The following PGRMC2 variants were observed in gnomAD, a reference collection of about 807,000 sequenced individuals.
PGRMC2 encodes the protein membrane-associated progesterone receptor component 2.
Under a neutral mutation model 19.3 loss-of-function variants are expected in PGRMC2, and 9 were observed. The ratio of observed to expected loss-of-function variants is 0.47; its 90% CI spans 0.28 to 0.81. PGRMC2 has a LOEUF of 0.81. PGRMC2 is among the 40% of genes least tolerant of loss of function. The probability of loss-of-function intolerance (pLI) is 0.11; values close to 1 mark genes in which losing one functional copy is unlikely to be tolerated. For missense variants in PGRMC2, 289 were observed against 297.3 expected (o/e 0.97, Z 0.21); for synonymous variants, 157 against 124.6 (o/e 1.26, Z -1.73).
At chr4:128,282,080 A>G (rs1760917408) in intron 1 of PGRMC2, among the ~76,000 whole-genome samples, 1 of 152,200 alleles carries the variant, frequency 6.6e-6, no homozygotes, top group African/African-American at 2.4e-5. Flanking sequence ...ACATACTGAA[A>G]TCCTTGTTTA....
intron 1 of PGRMC2, 92 bp from the exon 2 acceptor site, chr4:128,272,609 C>T (rs987752945): frequency 5.6e-6 from 4 of 714,854 alleles, no homozygotes; most frequent in African/African-American, 4.6e-5. Context: ...AAAAACACAA[C>T]AAAGAAAAAA....
At chr4:128,278,537 A>G (rs1345404853) in intron 1 of PGRMC2, among the ~76,000 whole-genome samples, 1 of 152,100 alleles carries the variant, frequency 6.6e-6, no homozygotes, top group Non-Finnish European at 1.5e-5. Flanking sequence ...GCGCCACTGC[A>G]CTCTAGCCTG....
intron 1 of PGRMC2, among the ~76,000 whole-genome samples, chr4:128,277,890 C>T (rs1048994052): frequency 2.0e-5 from 3 of 152,170 alleles, no homozygotes; most frequent in Non-Finnish European, 4.4e-5. Context: ...CCTTAGATCC[C>T]TCAAATATAA....
chr4:128,284,109 C>G (rs1760950307), intron 1 of PGRMC2, among the ~76,000 whole-genome samples: 1 of 152,086 alleles, frequency 6.6e-6, no homozygotes, highest in Non-Finnish European at 1.5e-5. Flanking sequence ...CCGTGCCTGG[C>G]CGAAAGGCAT....
chr4:128,275,287 G>A (rs1463427951), intron 1 of PGRMC2, among the ~76,000 whole-genome samples: 1 of 151,986 alleles, frequency 6.6e-6, no homozygotes, highest in Admixed American at 6.6e-5. Context: ...ATGATACAAA[G>A]GAGAGAAGAT....
At position 128,272,597 on chromosome 4, in the gene PGRMC2, A is replaced by AC. The variant is rs1554072646; in HGVS notation, c.419-81_419-80insG. The AC allele has an allele frequency of 1.0e-4, 95 of 926,794 alleles. No individual in the cohort carries two copies. The African/African-American group carries it at 1.1e-3, about 11-fold the overall frequency. 57.4% of individuals were successfully genotyped at this position (926,794 alleles called of 1,614,324 possible). A position where few individuals can be genotyped will look rare whatever the true frequency, so the allele number is the denominator to read the frequency against. On this transcript the variant is annotated intron_variant, in intron 1 of 2. Transcript: ENST00000296425. ...CAAAGGAAAAAGTAAAAAAAAAAAA[A>AC]AAAAAACACAACAAAGAAAAAAACC...
rs533055557 is a variant in PGRMC2 at position 128,270,707 on chromosome 4, A to G, written c.*609T>C. 6.6e-6 allele frequency: 1 copy of G among 152,388 alleles called. No homozygotes were observed. Among genetic ancestry groups the G allele is most frequent in the African/African-American group, 2.4e-5 (1 of 41,564 alleles). The allele number at this position is 152,388 out of a possible 1,614,324, so 9.4% of individuals were successfully genotyped here. On this transcript the variant is annotated 3_prime_UTR_variant, in exon 3 of 3. Coordinates refer to ENST00000296425, the MANE Select transcript of PGRMC2 (RefSeq NM_006320.6). ...CTAGCTCTGACTTAAACCCACCTGA[A>G]ATTCCTTCTCCTAATTTCCAAAGAT...
At chr4:128,277,257 C>A (rs187952271) in intron 1 of PGRMC2, among the ~76,000 whole-genome samples, 4 of 152,316 alleles carry the variant, frequency 2.6e-5, no homozygotes, top group Admixed American at 1.3e-4. Context: ...CAGTGTCAAT[C>A]CAACTTGTGG....
Position 128,272,470 on chromosome 4 carries a change from C to A in PGRMC2, c.466G>T (p.Ala156Ser). The change falls in exon 2 of 3, where the codon GCC (alanine) becomes TCC (serine). Residue 156 changes from alanine to serine, a missense_variant. Coordinates refer to ENST00000296425, the MANE Select transcript of PGRMC2 (RefSeq NM_006320.6). ...GCATCTTTATCTAGGCAAAATGTGG[C>A]CAGTCCTCTGGAGGCATCCCTACCA... ...FAGRDASRGLATFCLDKDALR... is the reference protein window; with the variant it reads ...FAGRDASRGLSTFCLDKDALR... 6.3e-7 allele frequency: 1 copy of A among 1,580,898 alleles called. No homozygotes were observed. The highest frequency in any genetic ancestry group is 8.6e-7 in the Non-Finnish European group (1 of 1,164,900).
chr4:128,274,537 A>AAAG (rs137964198), intron 1 of PGRMC2, among the ~76,000 whole-genome samples: 2,233 of 128,112 alleles, frequency 0.017, 114 homozygotes, highest in African/African-American at 0.037. Context: ...AAAAAAAAAA[A>AAAG]GGTATTAACC....
chr4:128,269,436 T>C lies in PGRMC2; in HGVS notation c.*1880A>G, dbSNP rs946877086. ...AGTTTACTACAGAGGACATGTACTT[T>C]TAACATTTTTTGTTTAGAAAATATT... is the stretch of plus-strand genomic sequence containing the variant. On this transcript the variant is annotated 3_prime_UTR_variant, in exon 3 of 3. Coordinates refer to ENST00000296425, the MANE Select transcript of PGRMC2 (RefSeq NM_006320.6). 2 of 152,216 alleles carry C rather than the reference T, an allele frequency of 1.3e-5. No individual in the cohort carries two copies. The highest frequency in any genetic ancestry group is 2.9e-5 in the Non-Finnish European group (2 of 68,028). 9.4% of individuals were successfully genotyped at this position (152,216 alleles called of 1,614,324 possible).
intron 1 of PGRMC2, among the ~76,000 whole-genome samples, chr4:128,277,780 A>T (rs1303988134): frequency 1.3e-5 from 2 of 152,228 alleles, no homozygotes; most frequent in Non-Finnish European, 2.9e-5. Context: ...ACTTTTAGAG[A>T]GAATGCAGTA....
chr4:128,275,734 G>T (rs1414186832), intron 1 of PGRMC2, among the ~76,000 whole-genome samples: 1 of 151,744 alleles, frequency 6.6e-6, no homozygotes, highest in Admixed American at 6.6e-5. Context: ...AATTTTTTTT[G>T]TTGTTTTTTG....
chr4:128,287,195 G>A (rs1352214474), intron 1 of PGRMC2, 178 bp downstream of exon 1: 2 of 579,492 alleles, frequency 3.5e-6, no homozygotes, highest in Non-Finnish European at 5.7e-6. Flanking sequence ...CCGTAGCTGC[G>A]GGGGGACGGT....
intron 1 of PGRMC2, among the ~76,000 whole-genome samples, chr4:128,282,341 T>C (rs1760920542): frequency 6.6e-6 from 1 of 152,224 alleles, no homozygotes; most frequent in Non-Finnish European, 1.5e-5. Flanking sequence ...GAGTGGTCTA[T>C]GTCAGAGTGT....
At chr4:128,274,539 G>T (rs923782109) in intron 1 of PGRMC2, among the ~76,000 whole-genome samples, 2 of 143,348 alleles carry the variant, frequency 1.4e-5, no homozygotes, top group African/African-American at 5.4e-5. Context: ...AAAAAAAAAG[G>T]TATTAACCAG....
chr4:128,271,268 G>C lies in PGRMC2; in HGVS notation c.*48C>G, dbSNP rs759326204. 1.1e-6 allele frequency: 1 copy of C among 950,570 alleles called. No individual in the cohort carries two copies. The highest frequency in any genetic ancestry group is 1.7e-6 in the Non-Finnish European group (1 of 593,302). 58.9% of individuals were successfully genotyped at this position (950,570 alleles called of 1,614,324 possible). A position where few individuals can be genotyped will look rare whatever the true frequency, so the allele number is the denominator to read the frequency against. On this transcript the variant is annotated 3_prime_UTR_variant, in exon 3 of 3. Coordinates refer to ENST00000296425, the MANE Select transcript of PGRMC2 (RefSeq NM_006320.6). ...GACTCCGGACAGTCTGTGAAAGGGAGTAAGAATTGCAGTTCTGAAGGCCCC... is the reference window on the plus strand; with the variant it reads ...GACTCCGGACAGTCTGTGAAAGGGACTAAGAATTGCAGTTCTGAAGGCCCC...
chr4:128,269,377 C>G lies in PGRMC2; in HGVS notation c.*1939G>C, dbSNP rs1158377868. ...TTCACAAGTACAGTTTATTACTAGA[C>G]TTTAGGCTTGAATGATTCATATATA... On this transcript the variant is annotated 3_prime_UTR_variant, in exon 3 of 3. Coordinates refer to ENST00000296425, the MANE Select transcript of PGRMC2 (RefSeq NM_006320.6). The G allele has an allele frequency of 2.0e-5, 3 of 152,104 alleles. No homozygotes were observed. The highest frequency in any genetic ancestry group is 4.4e-5 in the Non-Finnish European group (3 of 68,012). The allele number at this position is 152,104 out of a possible 1,614,324, so 9.4% of individuals were successfully genotyped here.
chr4:128,273,748 C>T (rs1487597288), intron 1 of PGRMC2, among the ~76,000 whole-genome samples: 8 of 152,242 alleles, frequency 5.3e-5, no homozygotes, highest in East Asian at 1.9e-4. Flanking sequence ...GAGTAGAAAT[C>T]GAGGTTTCAC....
Sources: gnomAD v4.1 joint callset for allele counts (sites outside exome capture counted in the v4.1 genomes callset) on GRCh38, gnomAD v4.1.1 for gene constraint, MANE v1.5 for transcripts, NCBI Gene and HGNC (gene_info 2026-07-23, HGNC 2026-07-21) for gene names.